BRD7: variants seen among roughly 807,000 people sequenced by gnomAD.
The protein encoded by BRD7 is bromodomain containing 7.
A neutral mutation model predicts 82.1 loss-of-function variants in BRD7; 15 were observed. The observed-to-expected ratio is 0.18, with a 90% CI of 0.12 to 0.28. The LOEUF (loss-of-function observed/expected upper bound fraction) is 0.28, where lower values mean the gene tolerates loss of function less well. Among genes scored for constraint, BRD7 ranks in the 10% least tolerant of loss-of-function variants. The probability of loss-of-function intolerance (pLI) is 1.00; values close to 1 mark genes in which losing one functional copy is unlikely to be tolerated. For missense variants in BRD7, 638 were observed against 779.9 expected, an observed-to-expected ratio of 0.82 and a Z score of 2.17; for synonymous variants, 232 against 266.9, an observed-to-expected ratio of 0.87 and a Z score of 1.27.
chr16:50,345,294 G>T (rs1272122519), intron 5 of BRD7, among the ~76,000 whole-genome samples: 2 of 152,172 alleles, frequency 1.3e-5, no homozygotes, highest in Non-Finnish European at 2.9e-5. Context: ...GGAATAACCA[G>T]TACCAGCCAC....
rs2037070965 is a variant in BRD7 at position 50,320,850 on chromosome 16, G to A, written c.1501-76C>T. Reference sequence around the variant, plus strand: ...AGTGTTAACTAGAAATTACTCAGATGGCATGTATTTACAGGCAAAGTTATT... The same window carrying A: ...AGTGTTAACTAGAAATTACTCAGATAGCATGTATTTACAGGCAAAGTTATT... On this transcript the variant is annotated intron_variant, in intron 13 of 16. Coordinates refer to ENST00000394688, the MANE Select transcript of BRD7 (RefSeq NM_013263.5). 4.0e-6 allele frequency: 4 copies of A among 992,602 alleles called. 1 individual carries two copies. Among genetic ancestry groups the A allele is most frequent in the Non-Finnish European group, 6.4e-6 (4 of 624,112 alleles). 61.5% of individuals were successfully genotyped at this position (992,602 alleles called of 1,614,324 possible). A position where few individuals can be genotyped will look rare whatever the true frequency, so the allele number is the denominator to read the frequency against.
intron 5 of BRD7, among the ~76,000 whole-genome samples, chr16:50,344,492 C>T (rs2038202999): frequency 1.3e-5 from 2 of 152,092 alleles, no homozygotes; most frequent in Admixed American, 1.3e-4. Context: ...ATGTTTGAAC[C>T]CATTGCAAAG....
intron 6 of BRD7, among the ~76,000 whole-genome samples, chr16:50,338,921 CCACT>C (rs2037930242): frequency 6.6e-6 from 1 of 152,186 alleles, no homozygotes; most frequent in South Asian, 2.1e-4. Flanking sequence ...TAGGTTTCTC[CCACT>C]CAGAGTGGTG....
At chr16:50,348,182 T>C (rs973133736) in intron 5 of BRD7, among the ~76,000 whole-genome samples, 1 of 152,192 alleles carries the variant, frequency 6.6e-6, no homozygotes, top group Non-Finnish European at 1.5e-5. Context: ...ATTTAATAAA[T>C]GGTGCTGGGA....
chr16:50,362,667 A>G (rs1282990648), intron 2 of BRD7, among the ~76,000 whole-genome samples: 1 of 152,240 alleles, frequency 6.6e-6, no homozygotes. Flanking sequence ...CCTTGAGGAC[A>G]TTGTGCTAAA....
intron 6 of BRD7, among the ~76,000 whole-genome samples, chr16:50,335,455 T>C (rs1428895978): frequency 6.6e-6 from 1 of 152,212 alleles, no homozygotes; most frequent in Admixed American, 6.5e-5. Flanking sequence ...ACCAAAGAAG[T>C]CTTGTTTCTA....
In BRD7 at chr16:50,318,309, G is replaced by GAAAA. The variant is rs1469866765; in HGVS notation, c.*898_*901dup. ...AATACTAATTAATTTTCAAAGTCAG[G>GAAAA]AAAATAATAGAAATCAAATGGCTTC... On this transcript the variant is annotated 3_prime_UTR_variant, in exon 17 of 17. Coordinates refer to ENST00000394688, the MANE Select transcript of BRD7 (RefSeq NM_013263.5). The GAAAA allele has an allele frequency of 3.3e-5, 5 of 152,170 alleles. No individual in the cohort carries two copies. The highest frequency in any genetic ancestry group is 2.0e-4 in the Admixed American group (3 of 15,280). The allele number at this position is 152,170 out of a possible 1,614,324, so 9.4% of individuals were successfully genotyped here. A position where few individuals can be genotyped will look rare whatever the true frequency, so the allele number is the denominator to read the frequency against.
At chr16:50,322,355 C>T (rs574678066) in intron 12 of BRD7, among the ~76,000 whole-genome samples, 2 of 152,180 alleles carry the variant, frequency 1.3e-5, no homozygotes, top group South Asian at 2.1e-4. Context: ...AAATCCCTGA[C>T]GAGAAGACAG....
Position 50,320,342 on chromosome 16 carries a change from C to G in BRD7, c.1662G>C (p.Arg554Ser). ...GTTCATTCTGGGCTTCCTGGAGTTC[C>G]CTGAGCAATCTGGTGGTCTCATCAA... ...KKLDETTRLLRELQEAQNERL... is the reference protein window; with the variant it reads ...KKLDETTRLLSELQEAQNERL... The change falls in exon 15 of 17, where the codon AGG becomes AGC. Residue 554 changes from arginine to serine, a missense_variant. By Grantham distance (110) the Arg-to-Ser change is moderately radical (BLOSUM62 -1). Coordinates refer to ENST00000394688, the MANE Select transcript of BRD7 (RefSeq NM_013263.5). The G allele has an allele frequency of 1.2e-6, 2 of 1,614,122 alleles. No homozygotes were observed. The highest frequency in any genetic ancestry group is 1.7e-6 in the Non-Finnish European group (2 of 1,180,010).
intron 5 of BRD7, among the ~76,000 whole-genome samples, chr16:50,348,300 T>A (rs1311510293): frequency 6.6e-6 from 1 of 152,136 alleles, no homozygotes; most frequent in Admixed American, 6.5e-5. Flanking sequence ...CCTAAAACCA[T>A]AAAAACCCTA....
At chr16:50,334,505 T>C (rs2037708514) in intron 7 of BRD7, among the ~76,000 whole-genome samples, 2 of 152,182 alleles carry the variant, frequency 1.3e-5, no homozygotes, top group South Asian at 4.1e-4. Flanking sequence ...TTAGAACTGC[T>C]TTCTGAACTG....
At chr16:50,327,367 C>T (rs2037384877) in intron 9 of BRD7, among the ~76,000 whole-genome samples, 1 of 152,224 alleles carries the variant, frequency 6.6e-6, no homozygotes, top group African/African-American at 2.4e-5. Context: ...GTGTCACCTA[C>T]ATCAGTTAGC....
chr16:50,321,227 C>A (rs1467848398), intron 13 of BRD7, among the ~76,000 whole-genome samples: 2 of 152,152 alleles, frequency 1.3e-5, no homozygotes, highest in African/African-American at 2.4e-5. Context: ...GGCCTCCAAA[C>A]TAGGCTGTCA....
intron 8 of BRD7, among the ~76,000 whole-genome samples, chr16:50,332,766 C>T (rs928888187): frequency 6.6e-5 from 10 of 152,156 alleles, no homozygotes; most frequent in Admixed American, 2.0e-4. Context: ...AAAGAAAATG[C>T]GGTACACACA....
chr16:50,328,037 C>T (rs1017038999), intron 9 of BRD7, among the ~76,000 whole-genome samples: 4 of 152,220 alleles, frequency 2.6e-5, no homozygotes, highest in African/African-American at 9.7e-5. Context: ...TTAACATTCT[C>T]ACATTTGCAT....
At chr16:50,363,657 GT>G (rs2039018920) in intron 2 of BRD7, among the ~76,000 whole-genome samples, 2 of 55,032 alleles carry the variant, frequency 3.6e-5, no homozygotes, top group African/African-American at 8.2e-5. Flanking sequence ...GTGTGTGTGT[GT>G]GTGCGCGCGC....
chr16:50,326,222 T>G, intron 10 of BRD7, 62 bp downstream of exon 10: 2 of 1,367,234 alleles, frequency 1.5e-6, no homozygotes, highest in Non-Finnish European at 2.1e-6. Flanking sequence ...ATAATCGTGC[T>G]TCCTTTCCCT....
chr16:50,354,178 T>C (rs2038645651), intron 4 of BRD7, among the ~76,000 whole-genome samples: 1 of 152,216 alleles, frequency 6.6e-6, no homozygotes. Context: ...ACATCAGAAA[T>C]TACTTTAGAG....
intron 2 of BRD7, among the ~76,000 whole-genome samples, chr16:50,359,372 T>C (rs2038857404): frequency 6.6e-6 from 1 of 152,208 alleles, no homozygotes. Flanking sequence ...CAAGAATACA[T>C]ACCTCACAGG....
Sources: gnomAD v4.1 joint callset for allele counts (sites outside exome capture counted in the v4.1 genomes callset) on GRCh38, gnomAD v4.1.1 for gene constraint, MANE v1.5 for transcripts, NCBI Gene and HGNC (gene_info 2026-07-23, HGNC 2026-07-21) for gene names.